Variants in PTPRE observed in about 807,000 individuals in gnomAD.
PTPRE encodes the protein receptor-type tyrosine-protein phosphatase epsilon.
Under a neutral mutation model 102.0 loss-of-function variants are expected in PTPRE, and 51 were observed. That is an observed-to-expected ratio of 0.50 (90% CI 0.40 to 0.63). The LOEUF is 0.63. Among genes scored for constraint, PTPRE ranks in the 30% least tolerant of loss-of-function variants. The probability of loss-of-function intolerance (pLI) is 0.00; values close to 1 mark genes in which losing one functional copy is unlikely to be tolerated. For missense variants in PTPRE, 752 were observed against 915.1 expected (o/e 0.82, Z 2.30); for synonymous variants, 345 against 348.2 (o/e 0.99, Z 0.10).
At chr10:127,970,808 T>C (rs1850671112) in intron 1 of PTPRE, among the ~76,000 whole-genome samples, 1 of 151,700 alleles carries the variant, frequency 6.6e-6, no homozygotes, top group Non-Finnish European at 1.5e-5. Flanking sequence ...TGGAAGATTT[T>C]AGGTGGATCA....
intron 2 of PTPRE, among the ~76,000 whole-genome samples, chr10:127,985,301 G>A (rs1387736271): frequency 1.3e-5 from 2 of 152,256 alleles, no homozygotes; most frequent in Non-Finnish European, 2.9e-5. Flanking sequence ...GCTAGCTATG[G>A]GCTGGGCGTG....
At chr10:128,077,578 G>T (rs752062490) in intron 18 of PTPRE, 39 bp from the exon 19 acceptor site, 2 of 1,572,142 alleles carry the variant, frequency 1.3e-6, no homozygotes, top group South Asian at 1.2e-5. Context: ...CTGTTCCCCG[G>T]CAGGCAGGCG....
chr10:128,057,074 G>T lies in PTPRE; in HGVS notation c.511+861G>T, dbSNP rs4595460. ...CTACTAAAAATACAAAATATTAGCC[G>T]GGCATGGTGGTGGACGCCTGTAATT... On this transcript the variant is annotated intron_variant, in intron 7 of 20. Coordinates refer to ENST00000254667, the MANE Select transcript of PTPRE (RefSeq NM_006504.6). 7.2e-3 allele frequency among the ~76,000 whole-genome samples: 1,090 copies of T among 152,158 alleles called. 6 individuals are homozygous for T. The highest frequency in any genetic ancestry group is 0.014 in the Middle Eastern group (4 of 294).
At chr10:128,061,579 T>C in intron 8 of PTPRE, 100 bp from the exon 9 acceptor site, 1 of 1,427,364 alleles carries the variant, frequency 7.0e-7, no homozygotes, top group Non-Finnish European at 9.3e-7. Context: ...TTGCAAATTT[T>C]CCATGGTGAA....
chr10:127,967,006 C>T (rs962293062), intron 1 of PTPRE, among the ~76,000 whole-genome samples: 5 of 152,082 alleles, frequency 3.3e-5, no homozygotes, highest in Admixed American at 1.3e-4. Flanking sequence ...AGAGATAAAG[C>T]GTTTTGTGGC....
At chr10:127,950,560 G>A (rs1312017481) in intron 1 of PTPRE, among the ~76,000 whole-genome samples, 3 of 152,174 alleles carry the variant, frequency 2.0e-5, no homozygotes, top group African/African-American at 7.2e-5. Context: ...CATCCCTGAA[G>A]AGCTCCGCGA....
chr10:127,984,078 CTTTTTTTTTTTT>C (rs58130253), intron 2 of PTPRE, among the ~76,000 whole-genome samples: 1 of 125,392 alleles, frequency 8.0e-6, no homozygotes, highest in African/African-American at 3.2e-5. Flanking sequence ...TTCTTTCTTT[CTTTTTTTTTTTT>C]TTTTTTTTGA....
chr10:127,917,920 C>T (rs1424777593), intron 1 of PTPRE, among the ~76,000 whole-genome samples: 2 of 151,994 alleles, frequency 1.3e-5, no homozygotes, highest in Non-Finnish European at 2.9e-5. Context: ...ATCCCAGCTA[C>T]TTGGGAGGCT....
intron 1 of PTPRE, among the ~76,000 whole-genome samples, chr10:127,930,645 G>A: frequency 6.6e-6 from 1 of 152,206 alleles, no homozygotes; most frequent in East Asian, 1.9e-4. Context: ...GGATGGGATT[G>A]CTGGCTCACA....
chr10:127,928,488 C>T (rs1032539795), intron 1 of PTPRE, among the ~76,000 whole-genome samples: 10 of 152,172 alleles, frequency 6.6e-5, no homozygotes, highest in African/African-American at 2.2e-4. Flanking sequence ...TTGATGTATC[C>T]TTCCTTCTTT....
chr10:127,942,135 G>A (rs1473720786), intron 1 of PTPRE, among the ~76,000 whole-genome samples: 1 of 152,184 alleles, frequency 6.6e-6, no homozygotes, highest in Non-Finnish European at 1.5e-5. Context: ...ATGGAAGGAA[G>A]CTGGAGACCA....
intron 2 of PTPRE, chr10:127,998,871 GAGA>G (rs1378094539): frequency 6.6e-6 from 1 of 152,154 alleles, no homozygotes; most frequent in East Asian, 1.9e-4. Flanking sequence ...CTTTGTCATA[GAGA>G]AGGAGAACTT....
intron 6 of PTPRE, 94 bp from the exon 7 acceptor site, chr10:128,056,029 T>C (rs909312899): frequency 5.1e-6 from 5 of 985,342 alleles, no homozygotes; most frequent in African/African-American, 3.2e-5. Flanking sequence ...TTGCTCCACG[T>C]GTTTTCATTA....
At chr10:127,910,084 G>C (rs570420067) in intron 1 of PTPRE, among the ~76,000 whole-genome samples, 2 of 152,328 alleles carry the variant, frequency 1.3e-5, no homozygotes, top group South Asian at 2.1e-4. Context: ...CACCCTCACA[G>C]AAGTTCTGTT....
In PTPRE at chr10:128,000,093, G is replaced by A. The variant is rs758215132; in HGVS notation, c.-8+17797G>A. 1.6e-4 allele frequency: 88 copies of A among 538,864 alleles called. No homozygotes were observed. In the Middle Eastern group the frequency reaches 3.8e-3, roughly 23 times the overall value. 33.4% of individuals were successfully genotyped at this position (538,864 alleles called of 1,614,324 possible). A position where few individuals can be genotyped will look rare whatever the true frequency, so the allele number is the denominator to read the frequency against. ...TAACTTAGTATTAAATGTTGTTACT[G>A]GTTGATAATTTAGGAATGTCACAGC... On this transcript the variant is annotated intron_variant, in intron 2 of 20. Coordinates refer to ENST00000254667, the MANE Select transcript of PTPRE (RefSeq NM_006504.6).
At chr10:127,969,160 C>T (rs890531834) in intron 1 of PTPRE, among the ~76,000 whole-genome samples, 3 of 152,316 alleles carry the variant, frequency 2.0e-5, no homozygotes, top group African/African-American at 4.8e-5. Context: ...GGAAGGCGAA[C>T]GCCATGGAGC....
Position 128,049,603 on chromosome 10 carries a change from C to G in PTPRE, c.357C>G (p.His119Gln), listed in dbSNP as rs1277802760. 1 of 1,614,008 alleles carries G rather than the reference C, an allele frequency of 6.2e-7. No homozygotes were observed. Among genetic ancestry groups the G allele is most frequent in the Non-Finnish European group, 8.5e-7 (1 of 1,180,032 alleles). The change falls in exon 6 of 21, where the codon CAC (histidine) becomes CAG (glutamine). Residue 119 changes from histidine to glutamine, a missense_variant. By Grantham distance (24) the His-to-Gln change is conservative. Coordinates refer to ENST00000254667, the MANE Select transcript of PTPRE (RefSeq NM_006504.6). ...AGTATTTTCCCATCCCCGTGGAGCA[C>G]CTGGAGGAGGAGATCCGTATCAGAT... is the stretch of plus-strand genomic sequence containing the variant. ...PKKYFPIPVEHLEEEIRIRSA... is the reference protein window; with the variant it reads ...PKKYFPIPVEQLEEEIRIRSA...
At chr10:127,912,403 CA>C (rs748427780) in intron 1 of PTPRE, among the ~76,000 whole-genome samples, 69 of 152,004 alleles carry the variant, frequency 4.5e-4, no homozygotes, top group Non-Finnish European at 9.1e-4. Flanking sequence ...CTTTCAAATG[CA>C]ATCAAGAATG....
chr10:127,959,559 C>G (rs1849649158), intron 1 of PTPRE, among the ~76,000 whole-genome samples: 1 of 152,152 alleles, frequency 6.6e-6, no homozygotes, highest in Non-Finnish European at 1.5e-5. Flanking sequence ...AGAAGGTGAC[C>G]TTTCTGAATT....
Sources: gnomAD v4.1 joint callset for allele counts (sites outside exome capture counted in the v4.1 genomes callset) on GRCh38, gnomAD v4.1.1 for gene constraint, MANE v1.5 for transcripts, NCBI Gene and HGNC (gene_info 2026-07-23, HGNC 2026-07-21) for gene names.